The following FAF1 variants were observed in gnomAD, a reference collection of about 807,000 sequenced individuals.
FAF1 encodes Fas associated factor 1.
A neutral mutation model predicts 92.5 loss-of-function variants in FAF1; 25 were observed. The observed-to-expected ratio is 0.27, with a 90% CI of 0.20 to 0.38. The LOEUF (loss-of-function observed/expected upper bound fraction) is 0.38. Among genes scored for constraint, FAF1 ranks in the 10% least tolerant of loss-of-function variants. The pLI is 1.00. For missense variants in FAF1, 636 were observed against 793.3 expected (o/e 0.80, Z 2.38); for synonymous variants, 234 against 273.2 (o/e 0.86, Z 1.42).
chr1:50,711,154 T>C (rs2124434627), intron 6 of FAF1, among the ~76,000 whole-genome samples: 1 of 149,520 alleles, frequency 6.7e-6, no homozygotes, highest in East Asian at 2.0e-4. Context: ...GTGATCTGCC[T>C]GCCTCAGCCT....
intron 1 of FAF1, among the ~76,000 whole-genome samples, chr1:50,946,919 T>C (rs536443047): frequency 6.6e-6 from 1 of 152,292 alleles, no homozygotes; most frequent in East Asian, 1.9e-4. Context: ...TCTCTATCTT[T>C]CAAGGCTGTT....
intron 4 of FAF1, among the ~76,000 whole-genome samples, chr1:50,774,918 G>A (rs977766914): frequency 2.6e-5 from 4 of 152,040 alleles, no homozygotes; most frequent in African/African-American, 9.7e-5. Flanking sequence ...ACTGCAATAA[G>A]GACCCTAAAA....
chr1:50,512,974 C>A (rs1167958792), intron 15 of FAF1, among the ~76,000 whole-genome samples: 1 of 152,100 alleles, frequency 6.6e-6, no homozygotes, highest in African/African-American at 2.4e-5. Flanking sequence ...ACTCTAAGTG[C>A]AGAAAGTGGG....
intron 7 of FAF1, among the ~76,000 whole-genome samples, chr1:50,665,428 A>G (rs866152145): frequency 3.3e-5 from 5 of 152,226 alleles, no homozygotes; most frequent in African/African-American, 1.2e-4. Flanking sequence ...ACACAAAATC[A>G]TATCAAAACA....
Position 50,632,152 on chromosome 1 carries a change from C to T in FAF1, c.744+23290G>A, listed in dbSNP as rs936590390. Among the ~76,000 whole-genome samples, 4 of 152,030 alleles carry T rather than the reference C, an allele frequency of 2.6e-5. No individual in the cohort carries two copies. The East Asian group carries it at 5.8e-4, about 22-fold the overall frequency. On this transcript the variant is annotated intron_variant, in intron 8 of 18. Coordinates refer to ENST00000396153, the MANE Select transcript of FAF1 (RefSeq NM_007051.3). ...AGTTAACAATAAGAAGTAAGGGGTA[C>T]GATGAACACTATAGGGTAACAGAGT...
chr1:50,631,865 A>G (rs1653806339), intron 8 of FAF1, among the ~76,000 whole-genome samples: 1 of 152,214 alleles, frequency 6.6e-6, no homozygotes, highest in Non-Finnish European at 1.5e-5. Context: ...ACCTATATGA[A>G]GATTTCAGCA....
At chr1:50,671,205 G>A (rs969702548) in intron 7 of FAF1, among the ~76,000 whole-genome samples, 4 of 152,192 alleles carry the variant, frequency 2.6e-5, no homozygotes, top group South Asian at 2.1e-4. Context: ...AGGAGATCAC[G>A]ATCAGCCTGG....
chr1:50,873,963 C>G (rs116431759), intron 1 of FAF1, among the ~76,000 whole-genome samples: 2,006 of 152,284 alleles, frequency 0.013, 43 homozygotes, highest in African/African-American at 0.044. Context: ...TCTTCAGCCC[C>G]TAGTATCTAC....
chr1:50,543,260 T>G (rs1204981233), intron 13 of FAF1, among the ~76,000 whole-genome samples: 7 of 152,124 alleles, frequency 4.6e-5, no homozygotes, highest in Non-Finnish European at 1.0e-4. Context: ...TACTCTAACA[T>G]AAAATATATA....
chr1:50,468,648 A>C (rs1264187521), intron 18 of FAF1, among the ~76,000 whole-genome samples: 1 of 152,032 alleles, frequency 6.6e-6, no homozygotes, highest in Non-Finnish European at 1.5e-5. Flanking sequence ...TTTAGTAGAG[A>C]TGGGATTTCA....
intron 8 of FAF1, chr1:50,612,504 A>T (rs1652727406): frequency 1.0e-6 from 1 of 985,262 alleles, no homozygotes; most frequent in Non-Finnish European, 1.2e-6. Context: ...TGTATGCATG[A>T]AGGGTACCAA....
intron 8 of FAF1, 79 bp downstream of exon 8, chr1:50,655,363 C>T: frequency 5.4e-6 from 5 of 925,240 alleles, no homozygotes; most frequent in Non-Finnish European, 9.0e-6. Flanking sequence ...TTTAATTGTG[C>T]TTATTATCAA....
At chr1:50,604,426 A>G (rs1305866153) in intron 8 of FAF1, among the ~76,000 whole-genome samples, 2 of 152,208 alleles carry the variant, frequency 1.3e-5, no homozygotes, top group African/African-American at 4.8e-5. Flanking sequence ...TAGAGAGGTA[A>G]AGTGTTTGTC....
chr1:50,745,756 G>T (rs191704920), intron 4 of FAF1, among the ~76,000 whole-genome samples: 218 of 152,226 alleles, frequency 1.4e-3, no homozygotes, highest in Non-Finnish European at 2.5e-3. Context: ...CCAGTCTCGG[G>T]TATTTTTTAT....
intron 13 of FAF1, among the ~76,000 whole-genome samples, chr1:50,544,982 A>T (rs1648939031): frequency 6.6e-6 from 1 of 152,166 alleles, no homozygotes; most frequent in African/African-American, 2.4e-5. Flanking sequence ...AAAGACAAAA[A>T]TTGATGAGTT....
intron 8 of FAF1, among the ~76,000 whole-genome samples, chr1:50,639,252 T>C (rs1654207089): frequency 1.3e-5 from 2 of 152,216 alleles, no homozygotes; most frequent in African/African-American, 4.8e-5. Context: ...AAAGCTCCAA[T>C]AAAAATTCAA....
In FAF1 at chr1:50,869,537, T is replaced by G. The variant is rs1644509750; in HGVS notation, c.46-11540A>C. Among the ~76,000 whole-genome samples the G allele has an allele frequency of 2.0e-5, 3 of 152,196 alleles. No homozygotes were observed. In the South Asian group the frequency reaches 6.2e-4, roughly 32 times the overall value. On this transcript the variant is annotated intron_variant, in intron 1 of 18. Coordinates refer to ENST00000396153, the MANE Select transcript of FAF1 (RefSeq NM_007051.3). The stretch of plus-strand genomic sequence containing the variant: ...CATTCTCAACTTTTATTCATTTGAA[T>G]ATTATCTCTCCTACATAATCAATTC...
chr1:50,523,627 G>A (rs1026151289), intron 15 of FAF1, among the ~76,000 whole-genome samples: 11 of 152,132 alleles, frequency 7.2e-5, no homozygotes, highest in East Asian at 1.9e-4. Flanking sequence ...TTCTGTTGTC[G>A]TGTTGTAGGA....
At position 50,582,608 on chromosome 1, in the gene FAF1, C is replaced by G; in HGVS notation, c.1113+10G>C. The G allele has an allele frequency of 6.3e-7, 1 of 1,588,918 alleles. No homozygotes were observed. Among genetic ancestry groups the G allele is most frequent in the Non-Finnish European group, 8.6e-7 (1 of 1,157,286 alleles). ...CACTTTTTAATCAGAAAAGGTCAAA[C>G]TGTACTTACATCTCGGGCTTTCACA... is the stretch of plus-strand genomic sequence containing the variant. On this transcript the variant is annotated intron_variant, in intron 12 of 18. Transcript: ENST00000396153.
Sources: gnomAD v4.1 joint callset for allele counts (sites outside exome capture counted in the v4.1 genomes callset) on GRCh38, gnomAD v4.1.1 for gene constraint, MANE v1.5 for transcripts, NCBI Gene and HGNC (gene_info 2026-07-23, HGNC 2026-07-21) for gene names.